Variants in POLE observed in about 807,000 individuals in gnomAD.
POLE encodes DNA polymerase epsilon, catalytic subunit.
In POLE, 188 loss-of-function variants were observed where a neutral mutation model predicts 279.2. The observed-to-expected ratio is 0.67, with a 90% CI of 0.60 to 0.76. The LOEUF (loss-of-function observed/expected upper bound fraction) is 0.76, where lower values mean the gene tolerates loss of function less well. POLE is among the 30% of genes least tolerant of loss of function. The pLI, the probability that POLE is intolerant of heterozygous loss-of-function variation, is 0.00. For synonymous variants in POLE, 1,214 were observed against 1,172.5 expected (o/e 1.04, Z -0.72); for missense variants, 2,703 against 3,016.7 (o/e 0.90, Z 2.44).
rs778964727 is a variant in POLE, at chr12:132,657,104, C to T, written c.3582+32G>A. ...GGAGTCCTGTGTGTCACAAGGATCC[C>T]GCCCAGCCCAGCCTTGGGGCCCCAC... On this transcript the variant is annotated intron_variant, in intron 29 of 48. Transcript: ENST00000320574. 103 of 1,611,228 alleles carry T rather than the reference C, an allele frequency of 6.4e-5. No homozygotes were observed. Among genetic ancestry groups the T allele is most frequent in the African/African-American group, 2.3e-4 (17 of 74,966 alleles).
At position 132,642,384 on chromosome 12, in the gene POLE, G is replaced by C; in HGVS notation, c.4966C>G (p.Pro1656Ala). 1.3e-6 allele frequency: 2 copies of C among 1,578,164 alleles called. No individual in the cohort carries two copies. Among genetic ancestry groups the C allele is most frequent in the Non-Finnish European group, 1.7e-6 (2 of 1,158,578 alleles). Residue 1656 changes from proline to alanine, a missense_variant, in exon 38 of 49, where the codon CCC becomes GCC. Around this residue, in one of 5 missense-constraint regions of POLE, gnomAD observed 1,551 missense variants for 1,686.1 expected, o/e 0.92. Transcript: ENST00000320574. ...AFEMSRYFHIPIGNLPEDIST... is the reference protein window; with the variant it reads ...AFEMSRYFHIAIGNLPEDIST... ...ATGTCCTCTGGTAGGTTCCCAATGG[G>C]AATGTGAAAGTACCTGCACCAGGGC...
At chr12:132,653,287 A>C (rs972084429) in intron 29 of POLE, among the ~76,000 whole-genome samples, 1 of 152,196 alleles carries the variant, frequency 6.6e-6, no homozygotes. Context: ...AGGTGGGAGG[A>C]TAACGTGAGA....
At position 132,632,492 on chromosome 12, in the gene POLE, A is replaced by G. The variant is rs1244918412; in HGVS notation, c.6153T>C (p.Ser2051=). 1 of 1,614,046 alleles carries G rather than the reference A, an allele frequency of 6.2e-7. No individual in the cohort carries two copies. Among genetic ancestry groups the G allele is most frequent in the South Asian group, 1.1e-5 (1 of 91,082 alleles). ...TGAGCTCATTTGCGACATAATCCTG[A>G]GAGAAGGTGATCATTCCTGGAAGTA... ...VGALPGMITF[S]QDYVANELTQ... Residue 2051 remains serine, a synonymous_variant, in exon 45 of 49, where the codon TCT becomes TCC. Transcript: ENST00000320574.
At position 132,639,292 on chromosome 12, in the gene POLE, C is replaced by T. The variant is rs2138511437; in HGVS notation, c.5385G>A (p.Leu1795=). The T allele has an allele frequency of 6.2e-7, 1 of 1,613,924 alleles. No homozygotes were observed. Among genetic ancestry groups the T allele is most frequent in the East Asian group, 2.2e-5 (1 of 44,870 alleles). The part of the protein sequence containing the change: ...TALCSNTFRI[L]KSMVVGWVKE... ...TCACCCAGCCCACGACCATGCTCTTCAGGATCCTGAAAGAGAAGGTGCACG... is the reference window on the plus strand; with the variant it reads ...TCACCCAGCCCACGACCATGCTCTTTAGGATCCTGAAAGAGAAGGTGCACG... Residue 1795 remains leucine (L), a synonymous_variant, in exon 40 of 49, where the codon CTG becomes CTA. Transcript: ENST00000320574. The surrounding 1 kb of genome is among the most constrained non-coding windows in gnomAD (Gnocchi z 4.7).
Position 132,659,316 on chromosome 12 carries a change from T to G in POLE, c.3254A>C (p.Glu1085Ala). The part of the protein sequence containing the change: ...SCRYIISRKP[E>A]GSPVTERAIP... ...TCACCTCTCCGTGACAGGGGAGCCC[T>G]CGGGCTTGCGGGAGATGATGTAGCG... Residue 1085 changes from glutamate to alanine, a missense_variant, in exon 26 of 49, where the codon GAG (glutamate) becomes GCG (alanine). Physicochemically the swap from Glu to Ala is moderately radical, Grantham distance 107. Coordinates refer to ENST00000320574, the MANE Select transcript of POLE (RefSeq NM_006231.4). 6.2e-7 allele frequency: 1 copy of G among 1,611,778 alleles called. No homozygotes were observed. The highest frequency in any genetic ancestry group is 8.5e-7 in the Non-Finnish European group (1 of 1,179,980).
At chr12:132,667,366 A>T (rs1407801149) in intron 20 of POLE, 137 bp downstream of exon 20, 1 of 924,456 alleles carries the variant, frequency 1.1e-6, no homozygotes, top group Non-Finnish European at 1.7e-6. Context: ...CTTCCAAGTC[A>T]AAAACAATTG....
At position 132,668,876 on chromosome 12, in the gene POLE, G is replaced by A. The variant is rs979085449; in HGVS notation, c.1858C>T (p.Pro620Ser). Residue 620 changes from proline to serine, a missense_variant, in exon 17 of 49, where the codon CCA becomes TCA. Physicochemically the swap from Pro to Ser is moderately conservative, Grantham distance 74 (BLOSUM62 -1). Coordinates refer to ENST00000320574, the MANE Select transcript of POLE (RefSeq NM_006231.4). The surrounding 1 kb of genome is among the most constrained non-coding windows in gnomAD (Gnocchi z 4.0). ...LKDVPSRIEC[P>S]LIYHLDVGAM... is the part of the protein sequence containing the mutation. ...CCCACGTCCAGGTGGTAGATGAGTGGACACTCGATGCGGCTGGGAACGTCC... is the reference window on the plus strand; with the variant it reads ...CCCACGTCCAGGTGGTAGATGAGTGAACACTCGATGCGGCTGGGAACGTCC... 6.2e-7 allele frequency: 1 copy of A among 1,614,050 alleles called. No individual in the cohort carries two copies. The highest frequency in any genetic ancestry group is 8.5e-7 in the Non-Finnish European group (1 of 1,179,950).
chr12:132,625,198 T>C (rs2138424414), intron 47 of POLE: 5 of 698,282 alleles, frequency 7.2e-6, no homozygotes, highest in African/African-American at 1.7e-5. Context: ...ACCCTCGCTG[T>C]GGATGTTCCA....
chr12:132,625,386 T>G (rs760244363), intron 47 of POLE: 8 of 742,526 alleles, frequency 1.1e-5, no homozygotes, highest in African/African-American at 3.4e-5. Context: ...CTCCTTTCCT[T>G]CTCTTCACAC....
intron 1 of POLE, among the ~76,000 whole-genome samples, chr12:132,681,658 T>G (rs1326121723): frequency 2.6e-5 from 4 of 152,096 alleles, no homozygotes; most frequent in African/African-American, 7.2e-5. Flanking sequence ...GTATATATAT[T>G]CCTGAAAAAC....
intron 29 of POLE, among the ~76,000 whole-genome samples, chr12:132,654,533 ATAT>A (rs1565950691): frequency 6.6e-6 from 1 of 152,186 alleles, no homozygotes; most frequent in Non-Finnish European, 1.5e-5. Flanking sequence ...AGGCTTTACT[ATAT>A]CTATAATGAT....
chr12:132,649,361 C>T lies in POLE; in HGVS notation c.3950G>A (p.Ser1317Asn). Reference sequence around the variant, plus strand: ...GCTGCGGGCAGTTCTTCGCAAGAAGCTCCCCAGCCCCGTGGCAGGACCATC... The same window carrying T: ...GCTGCGGGCAGTTCTTCGCAAGAAGTTCCCCAGCCCCGTGGCAGGACCATC... ...IRDGPATGLG[S>N]FLRRTARSIL... Residue 1317 changes from serine (S) to asparagine (N), a missense_variant, in exon 31 of 49, where the codon AGC becomes AAC. Ser to Asn is a conservative substitution (Grantham distance 46). Transcript: ENST00000320574. 6.2e-7 allele frequency: 1 copy of T among 1,613,630 alleles called. No homozygotes were observed. Among genetic ancestry groups the T allele is most frequent in the Non-Finnish European group, 8.5e-7 (1 of 1,180,042 alleles).
At chr12:132,658,994 G>C (rs1410730313) in intron 26 of POLE, among the ~76,000 whole-genome samples, 1 of 150,866 alleles carries the variant, frequency 6.6e-6, no homozygotes, top group Non-Finnish European at 1.5e-5. Context: ...TCTCCAAAGT[G>C]GTTTCAAACT....
chr12:132,686,465 A>G (rs922899953), intron 1 of POLE, among the ~76,000 whole-genome samples: 3 of 151,752 alleles, frequency 2.0e-5, no homozygotes, highest in South Asian at 2.1e-4. Context: ...CCGGGCGCGG[A>G]GTCTCACGTC....
rs200803943 is a variant in POLE, at chr12:132,649,878, G to A, written c.3594C>T (p.Ala1198=). 37 of 1,613,802 alleles carry A rather than the reference G, an allele frequency of 2.3e-5. No homozygotes were observed. Among genetic ancestry groups the A allele is most frequent in the Admixed American group, 2.2e-4 (13 of 60,026 alleles). Residue 1198 remains alanine, a synonymous_variant, in exon 30 of 49, where the codon GCC becomes GCT. Transcript: ENST00000320574. ...GCCTCGGACTGTCTTCTGAGGCCTC[G>A]GCCATCGTGACCTGGAAAGACCCAG... is the stretch of plus-strand genomic sequence containing the variant. The part of the protein sequence containing the change: ...TLEGRRQVTM[A]EASEDSPRPS...
chr12:132,642,001 G>A (rs1022919774), intron 38 of POLE, 150 bp from the exon 39 acceptor site: 10 of 928,650 alleles, frequency 1.1e-5, no homozygotes, highest in African/African-American at 1.6e-5. Context: ...TCAGATTCCC[G>A]AGGGCACAGG....
intron 29 of POLE, among the ~76,000 whole-genome samples, chr12:132,652,848 G>A (rs899350066): frequency 2.0e-4 from 30 of 152,106 alleles, no homozygotes; most frequent in Admixed American, 1.3e-4. Context: ...TAAGATCAAC[G>A]TGCCCTCCTT....
rs770036124 is a variant in POLE at position 132,649,446 on chromosome 12, G to A, written c.3865C>T (p.Arg1289Cys). 4 of 1,612,494 alleles carry A rather than the reference G, an allele frequency of 2.5e-6. No homozygotes were observed. The highest frequency in any genetic ancestry group is 2.5e-6 in the Non-Finnish European group (3 of 1,180,004). Residue 1289 changes from arginine (R) to cysteine (C), a missense_variant, in exon 31 of 49, where the codon CGC (arginine) becomes TGC (cysteine). Transcript: ENST00000320574. The part of the protein sequence containing the change: ...WQLQARQRLA[R>C]RKRQRLESAE... ...GACTCCAGACGCTGCCTCTTCCTGC[G>A]GGCGAGGCGCTGCCGGGCCTGCAGC...
At chr12:132,657,042 A>G (rs975482623) in intron 29 of POLE, 94 bp downstream of exon 29, 140 of 1,352,670 alleles carry the variant, frequency 1.0e-4, no homozygotes, top group Non-Finnish European at 1.3e-4. Context: ...CTTGAACAGA[A>G]GCTTCACTAC....
Sources: gnomAD v4.1 joint callset for allele counts (sites outside exome capture counted in the v4.1 genomes callset) on GRCh38, gnomAD v4.1.1 for gene constraint, gnomAD v4.1.1 regional missense constraint, Gnocchi (gnomAD v3.1) non-coding constraint, MANE v1.5 for transcripts, NCBI Gene and HGNC (gene_info 2026-07-23, HGNC 2026-07-21) for gene names.